The following KLRG1 variants were observed in gnomAD, a reference collection of about 807,000 sequenced individuals.
KLRG1 encodes killer cell lectin-like receptor subfamily G member 1.
Under a neutral mutation model 21.8 loss-of-function variants are expected in KLRG1, and 16 were observed. The ratio of observed to expected loss-of-function variants is 0.73; its 90% CI spans 0.50 to 1.11. The LOEUF is 1.11. Among genes scored for constraint, KLRG1 ranks in the 50% most tolerant of loss-of-function variants. KLRG1 has a pLI of 0.00. For synonymous variants in KLRG1, 69 were observed against 75.9 expected, an observed-to-expected ratio of 0.91 and a Z score of 0.47; for missense variants, 173 against 218.3, an observed-to-expected ratio of 0.79 and a Z score of 1.31.
the KLRG1 span, among the ~76,000 whole-genome samples, chr12:9,190,694 A>T: frequency 1.3e-5 from 2 of 152,292 alleles, no homozygotes; most frequent in African/African-American, 4.8e-5. Context: ...TCAAACCTAA[A>T]ATAAAAGTTT....
chr12:9,192,498 G>A, the KLRG1 span: 1 of 1,598,924 alleles, frequency 6.3e-7, no homozygotes, highest in Non-Finnish European at 8.6e-7. Context: ...TGTATTCCAT[G>A]GCCTCATTCT....
chr12:9,126,571 CTCCAGGTCT>C, the KLRG1 span, among the ~76,000 whole-genome samples: 9 of 152,310 alleles, frequency 5.9e-5, no homozygotes, highest in African/African-American at 1.9e-4. Context: ...AATACAGGGA[CTCCAGGTCT>C]TTCAGTGGGC....
the KLRG1 span, chr12:9,095,526 A>G: frequency 1.2e-6 from 2 of 1,606,648 alleles, no homozygotes; most frequent in Non-Finnish European, 1.7e-6. Flanking sequence ...CATCTGCAAC[A>G]TAAGGAGTTT....
intron 3 of KLRG1, among the ~76,000 whole-genome samples, chr12:8,997,322 T>C (rs1339686491): frequency 1.3e-5 from 2 of 152,222 alleles, no homozygotes; most frequent in Non-Finnish European, 2.9e-5. Flanking sequence ...TTAATTCTTT[T>C]TCTTGCTCCG....
chr12:9,000,426 A>C (rs967595712), intron 3 of KLRG1, among the ~76,000 whole-genome samples: 1 of 152,218 alleles, frequency 6.6e-6, no homozygotes, highest in Non-Finnish European at 1.5e-5. Context: ...CATAGCATAA[A>C]ATGTACTATT....
the KLRG1 span, among the ~76,000 whole-genome samples, chr12:9,020,193 C>T: frequency 3.3e-5 from 5 of 152,064 alleles, no homozygotes; most frequent in South Asian, 2.1e-4. Flanking sequence ...ATTATAGGCA[C>T]GAACCACAAT....
intron 1 of KLRG1, among the ~76,000 whole-genome samples, chr12:8,981,940 T>G (rs1946761239): frequency 6.6e-6 from 1 of 152,234 alleles, no homozygotes; most frequent in South Asian, 2.1e-4. Flanking sequence ...TTATAGTTGT[T>G]ATATATGCTT....
the KLRG1 span, among the ~76,000 whole-genome samples, chr12:9,177,707 T>G: frequency 2.6e-5 from 4 of 152,258 alleles, no homozygotes; most frequent in Non-Finnish European, 4.4e-5. Context: ...CTTAAACGTT[T>G]CTATAACTTT....
chr12:9,128,985 T>C, the KLRG1 span, among the ~76,000 whole-genome samples: 1 of 152,214 alleles, frequency 6.6e-6, no homozygotes, highest in Non-Finnish European at 1.5e-5. Flanking sequence ...TATACTATCT[T>C]GACTTGTAAT....
chr12:8,960,188 C>T (rs980861201), intron 1 of KLRG1, among the ~76,000 whole-genome samples: 1 of 152,158 alleles, frequency 6.6e-6, no homozygotes, highest in Admixed American at 6.5e-5. Flanking sequence ...AGAGACTATC[C>T]AAGGTGCAGT....
the KLRG1 span, chr12:9,202,770 C>T: frequency 7.6e-6 from 10 of 1,308,458 alleles, no homozygotes; most frequent in African/African-American, 1.5e-5. Context: ...TCCTATCTCT[C>T]CTTCAGCTTC....
the KLRG1 span, among the ~76,000 whole-genome samples, chr12:9,122,870 T>C: frequency 6.6e-6 from 1 of 152,112 alleles, no homozygotes; most frequent in African/African-American, 2.4e-5. Context: ...TTACAAGTTA[T>C]TTATAAAGAA....
At chr12:9,212,905 T>A in the KLRG1 span, among the ~76,000 whole-genome samples, 1 of 152,198 alleles carries the variant, frequency 6.6e-6, no homozygotes, top group Admixed American at 6.5e-5. Context: ...TTATGGAACA[T>A]TTCCATCACC....
At chr12:8,991,125 A>G (rs186652360) in intron 1 of KLRG1, among the ~76,000 whole-genome samples, 3 of 152,338 alleles carry the variant, frequency 2.0e-5, no homozygotes, top group East Asian at 3.9e-4. Context: ...ATTAAATGTT[A>G]TTAAGCAAAG....
chr12:8,968,391 G>A (rs180904583), intron 1 of KLRG1, among the ~76,000 whole-genome samples: 209 of 152,236 alleles, frequency 1.4e-3, no homozygotes, highest in Non-Finnish European at 2.5e-3. Context: ...AAGGGATAAG[G>A]GGTGATAATT....
intron 3 of KLRG1, among the ~76,000 whole-genome samples, chr12:8,999,368 T>G (rs1460274846): frequency 6.6e-6 from 1 of 152,250 alleles, no homozygotes; most frequent in Non-Finnish European, 1.5e-5. Context: ...TGATGCTCCT[T>G]GCCCTATAAT....
At chr12:8,960,070 G>A (rs2137212220) in intron 1 of KLRG1, among the ~76,000 whole-genome samples, 1 of 152,258 alleles carries the variant, frequency 6.6e-6, no homozygotes, top group East Asian at 1.9e-4. Context: ...GAAAATATAT[G>A]GAACAATGGC....
chr12:9,068,047 T>C, the KLRG1 span: 3 of 1,126,628 alleles, frequency 2.7e-6, no homozygotes, highest in South Asian at 4.3e-5. Context: ...AATAAATGTG[T>C]TTTTCTATAA....
At chr12:9,201,175 G>A in the KLRG1 span, 4 of 1,421,220 alleles carry the variant, frequency 2.8e-6, no homozygotes, top group Admixed American at 6.1e-5. Flanking sequence ...AAATACAGAA[G>A]GAAGAGAAAA....
Sources: allele counts gnomAD v4.1 joint callset (sites outside exome capture counted in the v4.1 genomes callset), GRCh38; gene constraint gnomAD v4.1.1; transcripts MANE v1.5; gene names NCBI Gene and HGNC (gene_info 2026-07-23, HGNC 2026-07-21).